The following NR1H4 variants were observed in gnomAD, a reference collection of about 807,000 sequenced individuals.
The protein encoded by NR1H4 is nuclear receptor subfamily 1 group H member 4.
A neutral mutation model predicts 58.5 loss-of-function variants in NR1H4; 23 were observed. The observed-to-expected ratio is 0.39, with a 90% CI of 0.28 to 0.56. NR1H4 has a LOEUF of 0.56. Ranked by LOEUF, NR1H4 falls within the 20% of genes least tolerant of loss-of-function variation. The pLI, the probability that NR1H4 is intolerant of heterozygous loss-of-function variation, is 0.58. For missense variants in NR1H4, 487 were observed against 576.9 expected, an observed-to-expected ratio of 0.84 and a Z score of 1.60; for synonymous variants, 214 against 198.0, an observed-to-expected ratio of 1.08 and a Z score of -0.68.
At position 100,536,502 on chromosome 12, in the gene NR1H4, G is replaced by A; in HGVS notation, c.733-10G>A. Reference sequence around the variant, plus strand: ...CTTCCCTAACACCTTTTATTTTCTTGCCAGTGTAGGAGAAAACTGAACTCA... The same window carrying A: ...CTTCCCTAACACCTTTTATTTTCTTACCAGTGTAGGAGAAAACTGAACTCA... On this transcript the variant is annotated splice_polypyrimidine_tract_variant and intron_variant, in intron 6 of 10. Transcript: ENST00000392986. 1 of 1,530,024 alleles carries A rather than the reference G, an allele frequency of 6.5e-7. No individual in the cohort carries two copies. Among genetic ancestry groups the A allele is most frequent in the Non-Finnish European group, 9.1e-7 (1 of 1,104,316 alleles). 94.8% of individuals were successfully genotyped at this position (1,530,024 alleles called of 1,614,324 possible). A position where few individuals can be genotyped will look rare whatever the true frequency, so the allele number is the denominator to read the frequency against.
At chr12:100,479,548 C>T (rs1953336278) in intron 1 of NR1H4, among the ~76,000 whole-genome samples, 1 of 152,234 alleles carries the variant, frequency 6.6e-6, no homozygotes, top group Non-Finnish European at 1.5e-5. Context: ...ATAGCCATCC[C>T]TGTTGCGTGT....
intron 9 of NR1H4, among the ~76,000 whole-genome samples, chr12:100,545,852 C>T (rs560795261): frequency 6.6e-6 from 1 of 151,986 alleles, no homozygotes; most frequent in East Asian, 1.9e-4. Context: ...GGAAATGCCT[C>T]TGAAGAATAA....
intron 9 of NR1H4, among the ~76,000 whole-genome samples, 179 bp downstream of exon 9, chr12:100,540,997 T>C (rs1307795778): frequency 6.6e-6 from 1 of 152,208 alleles, no homozygotes; most frequent in Non-Finnish European, 1.5e-5. Flanking sequence ...TTGGTTCAAA[T>C]ATCTCTGTTG....
intron 3 of NR1H4, chr12:100,505,628 C>A (rs1016556616): frequency 1.4e-6 from 1 of 701,282 alleles, no homozygotes; most frequent in African/African-American, 1.7e-5. Flanking sequence ...AAGAACTCGT[C>A]CCTAAACTTC....
chr12:100,485,493 A>C (rs1220202375), intron 1 of NR1H4, among the ~76,000 whole-genome samples: 1 of 152,110 alleles, frequency 6.6e-6, no homozygotes, highest in East Asian at 1.9e-4. Flanking sequence ...TTCCCCATTT[A>C]TTCATATGAA....
At position 100,510,911 on chromosome 12, in the gene NR1H4, T is replaced by C; in HGVS notation, c.213T>C (p.Gly71=). The change falls in exon 4 of 11, where the codon GGT becomes GGC. Residue 71 remains glycine (G), a synonymous_variant. Transcript: ENST00000392986. The part of the protein sequence containing the change: ...ISSSSYYSNL[G]FYPQQPEEWY... ...CGTCATCCTATTATTCCAACCTGGG[T>C]TTCTACCCCCAGCAGCCTGAAGAGT... 1 of 1,614,152 alleles carries C rather than the reference T, an allele frequency of 6.2e-7. No homozygotes were observed. The highest frequency in any genetic ancestry group is 8.5e-7 in the Non-Finnish European group (1 of 1,180,040).
intron 9 of NR1H4, among the ~76,000 whole-genome samples, chr12:100,552,588 G>A (rs1260924350): frequency 1.3e-5 from 2 of 152,126 alleles, no homozygotes; most frequent in Non-Finnish European, 2.9e-5. Context: ...CTCCTATTAT[G>A]TCTTCAGAAG....
At chr12:100,518,535 A>G (rs1327100) in intron 4 of NR1H4, among the ~76,000 whole-genome samples, 25,955 of 152,046 alleles carry the variant, frequency 0.17, 4,989 homozygotes, top group East Asian at 0.45. Context: ...ATGGGTTGGA[A>G]CCAGGCAGGG....
chr12:100,523,792 A>T (rs1306315565), intron 4 of NR1H4, among the ~76,000 whole-genome samples: 3 of 152,166 alleles, frequency 2.0e-5, no homozygotes, highest in African/African-American at 7.2e-5. Flanking sequence ...AAATATTATT[A>T]AGTACCAGTT....
chr12:100,480,417 C>G (rs1033112978), intron 1 of NR1H4, among the ~76,000 whole-genome samples: 1 of 152,130 alleles, frequency 6.6e-6, no homozygotes, highest in African/African-American at 2.4e-5. Flanking sequence ...ACACATCCAC[C>G]GTACTAGTGG....
chr12:100,544,278 A>T (rs1039519197), intron 9 of NR1H4, among the ~76,000 whole-genome samples: 5 of 149,542 alleles, frequency 3.3e-5, no homozygotes, highest in African/African-American at 1.2e-4. Flanking sequence ...AAAAAAATCC[A>T]TCAGTCAAAT....
chr12:100,557,099 A>T (rs1410568922), intron 9 of NR1H4, among the ~76,000 whole-genome samples: 1 of 152,104 alleles, frequency 6.6e-6, no homozygotes, highest in Non-Finnish European at 1.5e-5. Context: ...TCTGTTTTGC[A>T]TTGCTATAAA....
At chr12:100,502,672 C>T (rs550174336) in intron 3 of NR1H4, among the ~76,000 whole-genome samples, 1 of 152,292 alleles carries the variant, frequency 6.6e-6, no homozygotes, top group East Asian at 1.9e-4. Flanking sequence ...TATGTTTAGA[C>T]TTTACAATGG....
At position 100,559,562 on chromosome 12, in the gene NR1H4, G is replaced by A. The variant is rs1955414433; in HGVS notation, c.1079-2323G>A. On this transcript the variant is annotated intron_variant, in intron 9 of 10. Transcript: ENST00000392986. ...GGAGGGTGTACTGGGTCCCCCAGCA[G>A]TGCCAGCCCACCGGCGCTGCGCTGG... Among the ~76,000 whole-genome samples the A allele has an allele frequency of 2.0e-5, 3 of 152,174 alleles. No homozygotes were observed. In the East Asian group the frequency reaches 5.8e-4, roughly 29 times the overall value.
chr12:100,495,557 C>G (rs1468140368), intron 3 of NR1H4, among the ~76,000 whole-genome samples: 1 of 151,940 alleles, frequency 6.6e-6, no homozygotes. Flanking sequence ...ATGGTTAAAC[C>G]CTGTCTCTAC....
At chr12:100,498,770 C>T (rs1425607360) in intron 3 of NR1H4, among the ~76,000 whole-genome samples, 1 of 152,114 alleles carries the variant, frequency 6.6e-6, no homozygotes, top group Admixed American at 6.6e-5. Flanking sequence ...TTGTATCTAA[C>T]AGTCTTTCCG....
intron 4 of NR1H4, among the ~76,000 whole-genome samples, chr12:100,513,373 AC>A (rs34449022): frequency 6.6e-6 from 1 of 152,220 alleles, no homozygotes. Flanking sequence ...AGTAAATATT[AC>A]CCTCGATTCC....
At chr12:100,552,683 G>T (rs574109319) in intron 9 of NR1H4, among the ~76,000 whole-genome samples, 1 of 152,170 alleles carries the variant, frequency 6.6e-6, no homozygotes, top group Non-Finnish European at 1.5e-5. Flanking sequence ...AACATTTAAG[G>T]AGGCCAAGGT....
chr12:100,521,144 T>C (rs912012752), intron 4 of NR1H4, among the ~76,000 whole-genome samples: 1 of 151,902 alleles, frequency 6.6e-6, no homozygotes. Flanking sequence ...AAAAGCAACC[T>C]TAGAAACAAA....
Sources: gnomAD v4.1 joint callset for allele counts (sites outside exome capture counted in the v4.1 genomes callset) on GRCh38, gnomAD v4.1.1 for gene constraint, MANE v1.5 for transcripts, NCBI Gene and HGNC (gene_info 2026-07-23, HGNC 2026-07-21) for gene names.